HS3ST3B1: variants seen among roughly 807,000 people sequenced by gnomAD.
HS3ST3B1 encodes the protein heparan sulfate-glucosamine 3-sulfotransferase 3B1.
In HS3ST3B1, 13 loss-of-function variants were observed where a neutral mutation model predicts 21.3. The ratio of observed to expected loss-of-function variants is 0.61; its 90% CI spans 0.40 to 0.97. The LOEUF (loss-of-function observed/expected upper bound fraction) is 0.97. HS3ST3B1 is among the 50% of genes least tolerant of loss of function. HS3ST3B1 has a pLI of 0.00. For missense variants in HS3ST3B1, 459 were observed against 554.8 expected (o/e 0.83, Z 1.73); for synonymous variants, 234 against 254.8 (o/e 0.92, Z 0.78).
intron 1 of HS3ST3B1, among the ~76,000 whole-genome samples, chr17:14,311,026 A>G (rs1350352129): frequency 2.0e-5 from 3 of 152,162 alleles, no homozygotes; most frequent in South Asian, 2.1e-4. Flanking sequence ...ATCCTTTTCT[A>G]TAGTCAATGA....
At position 14,345,666 on chromosome 17, in the gene HS3ST3B1, C is replaced by T; in HGVS notation, c.*20C>T. On this transcript the variant is annotated 3_prime_UTR_variant, in exon 2 of 2. Coordinates refer to ENST00000360954, the MANE Select transcript of HS3ST3B1 (RefSeq NM_006041.3). ...GATTGAGCAGACCCGGGCTATGTAC[C>T]TTACCCACGTGGCTTATCTATTGAC... is the stretch of plus-strand genomic sequence containing the variant. 1 of 1,605,318 alleles carries T rather than the reference C, an allele frequency of 6.2e-7. No homozygotes were observed. Among genetic ancestry groups the T allele is most frequent in the Non-Finnish European group, 8.5e-7 (1 of 1,173,542 alleles).
intron 1 of HS3ST3B1, among the ~76,000 whole-genome samples, chr17:14,338,392 A>G (rs561727238): frequency 8.8e-4 from 133 of 151,584 alleles, no homozygotes; most frequent in Admixed American, 1.8e-3. Flanking sequence ...CCAAAGTGCT[A>G]GGATTACAGA....
In HS3ST3B1 at chr17:14,346,681, C is replaced by T. The variant is rs1261614075; in HGVS notation, c.*1035C>T. The T allele has an allele frequency of 1.3e-5, 2 of 152,170 alleles. No homozygotes were observed. The highest frequency in any genetic ancestry group is 2.9e-5 in the Non-Finnish European group (2 of 68,056). 9.4% of individuals were successfully genotyped at this position (152,170 alleles called of 1,614,324 possible). On this transcript the variant is annotated 3_prime_UTR_variant, in exon 2 of 2. Coordinates refer to ENST00000360954, the MANE Select transcript of HS3ST3B1 (RefSeq NM_006041.3). Reference sequence around the variant, plus strand: ...GTTTGAAGTGTATGTAGATTGTTGCCCCGTCTTTCCCAGGTCACATGTGTG... The same window carrying T: ...GTTTGAAGTGTATGTAGATTGTTGCTCCGTCTTTCCCAGGTCACATGTGTG...
intron 1 of HS3ST3B1, among the ~76,000 whole-genome samples, chr17:14,317,531 C>T (rs570566931): frequency 6.6e-6 from 1 of 152,312 alleles, no homozygotes; most frequent in South Asian, 2.1e-4. Flanking sequence ...GAGAAAAAGA[C>T]ACCATCCAGC....
At chr17:14,332,369 C>T (rs1910040632) in intron 1 of HS3ST3B1, among the ~76,000 whole-genome samples, 1 of 152,070 alleles carries the variant, frequency 6.6e-6, no homozygotes, top group Non-Finnish European at 1.5e-5. Context: ...TGCTTTAACA[C>T]GTTGGTCTGA....
At chr17:14,302,134 C>T in intron 1 of HS3ST3B1, 62 bp downstream of exon 1, 1 of 1,507,080 alleles carries the variant, frequency 6.6e-7, no homozygotes, top group Admixed American at 2.1e-5. Context: ...CTAAGGGAGA[C>T]ATGGCGTATG....
intron 1 of HS3ST3B1, among the ~76,000 whole-genome samples, chr17:14,317,189 T>G (rs1438823724): frequency 6.6e-6 from 1 of 152,238 alleles, no homozygotes. Flanking sequence ...AAGGGAAATT[T>G]AATACCCACC....
chr17:14,332,629 T>C (rs1439613694), intron 1 of HS3ST3B1, among the ~76,000 whole-genome samples: 1 of 151,784 alleles, frequency 6.6e-6, no homozygotes, highest in East Asian at 2.0e-4. Flanking sequence ...GCCCTCAGCT[T>C]CCATCCCACC....
At chr17:14,304,163 C>A (rs1261876835) in intron 1 of HS3ST3B1, 2 of 152,194 alleles carry the variant, frequency 1.3e-5, no homozygotes, top group Admixed American at 1.3e-4. Context: ...GGCGGCTGGA[C>A]CCGGGCGGCC....
chr17:14,302,261 C>T (rs1393746102), intron 1 of HS3ST3B1, among the ~76,000 whole-genome samples, 189 bp downstream of exon 1: 1 of 152,194 alleles, frequency 6.6e-6, no homozygotes, highest in Non-Finnish European at 1.5e-5. Flanking sequence ...GCTTGGTTCT[C>T]GTCACAACCC....
intron 1 of HS3ST3B1, among the ~76,000 whole-genome samples, chr17:14,305,746 C>CGTGT (rs566690236): frequency 6.6e-6 from 1 of 151,526 alleles, no homozygotes; most frequent in African/African-American, 2.4e-5. Context: ...GTATACCGTA[C>CGTGT]GTGTGTGTGT....
intron 1 of HS3ST3B1, among the ~76,000 whole-genome samples, chr17:14,308,782 G>C (rs1184510144): frequency 1.3e-5 from 2 of 152,202 alleles, no homozygotes; most frequent in African/African-American, 4.8e-5. Context: ...CCATTGCCCA[G>C]AATGTGAACG....
intron 1 of HS3ST3B1, among the ~76,000 whole-genome samples, chr17:14,311,006 A>G (rs1023768156): frequency 7.9e-5 from 12 of 152,146 alleles, no homozygotes; most frequent in Non-Finnish European, 1.6e-4. Context: ...GCCAAAGGTG[A>G]CCATTTAAAA....
rs567263766 is a variant in HS3ST3B1 at position 14,315,704 on chromosome 17, C to A, written c.554+13632C>A. Among the ~76,000 whole-genome samples, 4 of 151,890 alleles carry A rather than the reference C, an allele frequency of 2.6e-5. No homozygotes were observed. The East Asian group carries it at 7.8e-4, about 30-fold the overall frequency. On this transcript the variant is annotated intron_variant, in intron 1 of 1. Transcript: ENST00000360954. ...GGCGTGGTGGCGGGTGCCTCTAATC[C>A]CAGCTACTCAGGAGGCTGGAGCAGG...
At chr17:14,336,901 A>G (rs1910200110) in intron 1 of HS3ST3B1, among the ~76,000 whole-genome samples, 1 of 152,070 alleles carries the variant, frequency 6.6e-6, no homozygotes, top group Non-Finnish European at 1.5e-5. Context: ...GGAGGCTGAC[A>G]AGACCAAGAT....
intron 1 of HS3ST3B1, among the ~76,000 whole-genome samples, chr17:14,340,812 A>G (rs1395729932): frequency 6.6e-6 from 1 of 152,052 alleles, no homozygotes; most frequent in East Asian, 1.9e-4. Context: ...TGAACTCCTG[A>G]CCTCAAGTGA....
intron 1 of HS3ST3B1, 127 bp from the exon 2 acceptor site, chr17:14,344,901 C>G: frequency 7.3e-7 from 1 of 1,371,844 alleles, no homozygotes; most frequent in Non-Finnish European, 9.8e-7. Context: ...GTTCTACTTG[C>G]ATTTTACATG....
chr17:14,314,217 G>T (rs1013215706), intron 1 of HS3ST3B1, among the ~76,000 whole-genome samples: 1 of 134,124 alleles, frequency 7.5e-6, no homozygotes, highest in African/African-American at 2.5e-5. Flanking sequence ...GACCTCAGGT[G>T]ATCCACCCGC....
intron 1 of HS3ST3B1, among the ~76,000 whole-genome samples, chr17:14,326,921 CA>C (rs60800866): frequency 0.074 from 4,452 of 60,540 alleles, 60 homozygotes; most frequent in Non-Finnish European, 0.081. Context: ...AACTCTGTCT[CA>C]AAAAAAAAAA....
Sources: gnomAD v4.1 joint callset for allele counts (sites outside exome capture counted in the v4.1 genomes callset) on GRCh38, gnomAD v4.1.1 for gene constraint, MANE v1.5 for transcripts, NCBI Gene and HGNC (gene_info 2026-07-23, HGNC 2026-07-21) for gene names.